Variants in LRP4 observed in about 807,000 individuals in gnomAD.
LRP4 encodes the protein LDL receptor related protein 4.
A neutral mutation model predicts 220.3 loss-of-function variants in LRP4; 95 were observed. That is an observed-to-expected ratio of 0.43 (90% confidence interval 0.37 to 0.51). The LOEUF is 0.51. Ranked by LOEUF, LRP4 falls within the 20% of genes least tolerant of loss-of-function variation. LRP4 has a pLI of 0.00. For synonymous variants in LRP4, 903 were observed against 954.6 expected, an observed-to-expected ratio of 0.95 and a Z score of 1.00; for missense variants, 1,925 against 2,567.0, an observed-to-expected ratio of 0.75 and a Z score of 5.40.
intron 1 of LRP4, among the ~76,000 whole-genome samples, chr11:46,909,249 C>T (rs1472972235): frequency 2.0e-5 from 3 of 151,844 alleles, no homozygotes; most frequent in Non-Finnish European, 4.4e-5. Flanking sequence ...TTAAGGAGTA[C>T]CCTGTGAGTG....
chr11:46,912,698 C>A (rs1941882816), intron 1 of LRP4, among the ~76,000 whole-genome samples: 1 of 152,176 alleles, frequency 6.6e-6, no homozygotes, highest in Non-Finnish European at 1.5e-5. Flanking sequence ...TTGGAGAGAT[C>A]CCTGGAGGCA....
Position 46,868,012 on chromosome 11 carries a change from C to A in LRP4, c.5054G>T (p.Arg1685Leu), listed in dbSNP as rs138238230. The part of the protein sequence containing the change: ...PPTTLYSSTT[R>L]TRTSLEEVEG... ...CACCTCCTCCAGAGACGTGCGGGTC[C>A]GGGTGGTTGAAGAATACAAGGTGGT... Residue 1685 changes from arginine to leucine, a missense_variant, in exon 34 of 38, where the codon CGG (arginine) becomes CTG (leucine). Coordinates refer to ENST00000378623, the MANE Select transcript of LRP4 (RefSeq NM_002334.4). 10 of 1,614,072 alleles carry A rather than the reference C, an allele frequency of 6.2e-6. No homozygotes were observed. The highest frequency in any genetic ancestry group is 8.5e-6 in the Non-Finnish European group (10 of 1,180,030).
chr11:46,889,824 C>T, intron 15 of LRP4, 120 bp downstream of exon 15: 3 of 1,151,526 alleles, frequency 2.6e-6, no homozygotes, highest in Non-Finnish European at 3.9e-6. Context: ...ATGTCAGTGC[C>T]CTGCTGGATT....
intron 7 of LRP4, among the ~76,000 whole-genome samples, chr11:46,897,829 T>C (rs374225007): frequency 2.6e-4 from 36 of 139,392 alleles, no homozygotes; most frequent in African/African-American, 4.3e-4. Flanking sequence ...CACCTTTCCC[T>C]CCTTTCTATT....
intron 2 of LRP4, among the ~76,000 whole-genome samples, chr11:46,902,530 G>C (rs762968285): frequency 6.6e-6 from 1 of 152,142 alleles, no homozygotes; most frequent in Non-Finnish European, 1.5e-5. Context: ...ACTCCCTGTT[G>C]TGTTCTCTTA....
In LRP4 at chr11:46,865,259, G is replaced by A. The variant is rs1400773499; in HGVS notation, c.5088-73C>T. ...AGGTCATGCCTTCCTCCAGGAAAGG[G>A]GGAAAGGCCTGTAAGTGGGGGCTTT... On this transcript the variant is annotated intron_variant, in intron 34 of 37. Coordinates refer to ENST00000378623, the MANE Select transcript of LRP4 (RefSeq NM_002334.4). 4.5e-6 allele frequency: 5 copies of A among 1,116,604 alleles called. No homozygotes were observed. In the East Asian group the frequency reaches 1.3e-4, roughly 29 times the overall value. 69.2% of individuals were successfully genotyped at this position (1,116,604 alleles called of 1,614,324 possible).
chr11:46,859,410 GGAGT>G, intron 37 of LRP4, 95 bp from the exon 38 acceptor site: 1 of 899,334 alleles, frequency 1.1e-6, no homozygotes, highest in Non-Finnish European at 1.9e-6. Context: ...GGTAAGAGTA[GGAGT>G]GAAGCGCACA....
chr11:46,899,086 G>A lies in LRP4; in HGVS notation c.548-54C>T. On this transcript the variant is annotated intron_variant, in intron 5 of 37. Coordinates refer to ENST00000378623, the MANE Select transcript of LRP4 (RefSeq NM_002334.4). This position sits in a 1 kb window ranked among gnomAD's most constrained non-coding sequence, Gnocchi z 5.9. The stretch of plus-strand genomic sequence containing the variant: ...CACACACTCAGGCCTGGATGAAGGA[G>A]AGGGGCCCTGATTCCTCAAGCAGGC... The A allele has an allele frequency of 3.2e-6, 5 of 1,547,600 alleles. No individual in the cohort carries two copies. The Admixed American group carries it at 5.2e-5, about 16-fold the overall frequency.
chr11:46,863,623 G>C (rs371389248), intron 36 of LRP4, among the ~76,000 whole-genome samples: 292 of 150,844 alleles, frequency 1.9e-3, no homozygotes, highest in African/African-American at 7.0e-3. Flanking sequence ...GCTGGGCATG[G>C]TGGTGCATGC....
At chr11:46,869,263 G>T in intron 31 of LRP4, 131 bp from the exon 32 acceptor site, 3 of 849,924 alleles carry the variant, frequency 3.5e-6, no homozygotes, top group Non-Finnish European at 5.8e-6. Context: ...CCTCATTTCT[G>T]TGCATCAACA....
chr11:46,867,573 T>C (rs531608167), intron 34 of LRP4, among the ~76,000 whole-genome samples: 38 of 152,320 alleles, frequency 2.5e-4, no homozygotes, highest in African/African-American at 8.7e-4. Flanking sequence ...GTGATTCTCC[T>C]GTCTCAGCCT....
intron 1 of LRP4, among the ~76,000 whole-genome samples, chr11:46,903,746 C>T (rs180766313): frequency 1.3e-5 from 2 of 152,364 alleles, no homozygotes; most frequent in Admixed American, 6.5e-5. Flanking sequence ...GGAATCCACA[C>T]AGGGGAGCAG....
At position 46,896,918 on chromosome 11, in the gene LRP4, C is replaced by T; in HGVS notation, c.873G>A (p.Gly291=). The change falls in exon 8 of 38, where the codon GGG becomes GGA. Residue 291 remains glycine (G), a synonymous_variant. Transcript: ENST00000378623. ...RCVRLSWRCD[G]EDDCADNSDE... is the part of the protein sequence containing the mutation. Reference sequence around the variant, plus strand: ...CGCTGTTGTCTGCACAGTCGTCCTCCCCATCACAGCGCCAGGACAGGCGGA... The same window carrying T: ...CGCTGTTGTCTGCACAGTCGTCCTCTCCATCACAGCGCCAGGACAGGCGGA... The T allele has an allele frequency of 6.2e-7, 1 of 1,614,248 alleles. No homozygotes were observed. The highest frequency in any genetic ancestry group is 1.7e-5 in the Admixed American group (1 of 60,032).
At chr11:46,881,106 G>GTTAAAT (rs139048111) in intron 20 of LRP4, among the ~76,000 whole-genome samples, 51,734 of 132,820 alleles carry the variant, frequency 0.39, 11,078 homozygotes, top group South Asian at 0.5. Flanking sequence ...TTGGATCAAT[G>GTTAAAT]TTAGATTTCC....
chr11:46,897,355 TTTTTTTATTTTTA>T (rs771632398), intron 7 of LRP4, among the ~76,000 whole-genome samples: 20,403 of 143,762 alleles, frequency 0.14, 1,458 homozygotes, highest in East Asian at 0.52. Context: ...TTTCTTTTTA[TTTTTTTATTTTTA>T]TTTTTTTTTA....
In LRP4 at chr11:46,858,395, C is replaced by T. The variant is rs1940433472; in HGVS notation, c.*588G>A. 1 of 173,096 alleles carries T rather than the reference C, an allele frequency of 5.8e-6. No homozygotes were observed. The highest frequency in any genetic ancestry group is 1.3e-5 in the Non-Finnish European group (1 of 78,818). The allele number at this position is 173,096 out of a possible 1,614,324, so 10.7% of individuals were successfully genotyped here. A position where few individuals can be genotyped will look rare whatever the true frequency, so the allele number is the denominator to read the frequency against. ...ATAATGTCCACTGCCAGCAATGGAC[C>T]AGACACCCAGATCCAACTACCCCCC... On this transcript the variant is annotated 3_prime_UTR_variant, in exon 38 of 38. Transcript: ENST00000378623.
intron 33 of LRP4, 139 bp from the exon 34 acceptor site, chr11:46,868,253 A>G: frequency 1.1e-6 from 1 of 940,626 alleles, no homozygotes; most frequent in Non-Finnish European, 1.7e-6. Context: ...AGCCCTTCTT[A>G]ATACTATCAA....
At chr11:46,883,319 G>A (rs956829377) in intron 19 of LRP4, among the ~76,000 whole-genome samples, 4 of 152,314 alleles carry the variant, frequency 2.6e-5, no homozygotes, top group South Asian at 4.1e-4. Context: ...TGGCCATAAC[G>A]CCCACACTGG....
At chr11:46,913,909 G>T (rs930628876) in intron 1 of LRP4, among the ~76,000 whole-genome samples, 1 of 152,164 alleles carries the variant, frequency 6.6e-6, no homozygotes, top group Non-Finnish European at 1.5e-5. Flanking sequence ...AGGGGAGAAA[G>T]AAGGGGCAGA....
Sources: gnomAD v4.1 joint callset for allele counts (sites outside exome capture counted in the v4.1 genomes callset) on GRCh38, gnomAD v4.1.1 for gene constraint, Gnocchi (gnomAD v3.1) non-coding constraint, MANE v1.5 for transcripts, NCBI Gene and HGNC (gene_info 2026-07-23, HGNC 2026-07-21) for gene names.